SMC5: variants seen among roughly 807,000 people sequenced by gnomAD.
The protein encoded by SMC5 is structural maintenance of chromosomes 5, also known as structural maintenance of chromosomes protein 5.
SMC5 carries 88 observed loss-of-function variants against 148.3 expected under a neutral mutation model. That is an observed-to-expected ratio of 0.59 (90% CI 0.50 to 0.71). The LOEUF is 0.71. Ranked by LOEUF, SMC5 falls within the 30% of genes least tolerant of loss-of-function variation. The probability of loss-of-function intolerance (pLI) is 0.00; values close to 1 mark genes in which losing one functional copy is unlikely to be tolerated. For synonymous variants in SMC5, 421 were observed against 432.8 expected, an observed-to-expected ratio of 0.97 and a Z score of 0.34; for missense variants, 1,142 against 1,298.9, an observed-to-expected ratio of 0.88 and a Z score of 1.86.
At chr9:70,327,576 T>A (rs1300630259) in intron 17 of SMC5, among the ~76,000 whole-genome samples, 1 of 152,224 alleles carries the variant, frequency 6.6e-6, no homozygotes, top group Admixed American at 6.5e-5. Flanking sequence ...CTTGTGACTT[T>A]GAAAAATGGT....
At chr9:70,341,351 T>C (rs567497811) in intron 17 of SMC5, among the ~76,000 whole-genome samples, 1 of 152,352 alleles carries the variant, frequency 6.6e-6, no homozygotes, top group Admixed American at 6.5e-5. Flanking sequence ...TACTTTATTT[T>C]AGCAAAGTCC....
chr9:70,330,608 T>G (rs1225673302), intron 17 of SMC5, among the ~76,000 whole-genome samples: 1 of 149,728 alleles, frequency 6.7e-6, no homozygotes, highest in Non-Finnish European at 1.5e-5. Context: ...TGGAGTGCAG[T>G]CTCAGCTCAC....
intron 8 of SMC5, among the ~76,000 whole-genome samples, chr9:70,294,805 G>C (rs925488462): frequency 6.6e-6 from 1 of 152,118 alleles, no homozygotes; most frequent in African/African-American, 2.4e-5. Flanking sequence ...GAACACAGAG[G>C]CCAAAGAGTT....
At chr9:70,308,820 G>A (rs922854067) in intron 11 of SMC5, among the ~76,000 whole-genome samples, 5 of 151,810 alleles carry the variant, frequency 3.3e-5, no homozygotes, top group Admixed American at 6.6e-5. Context: ...TACATTGCTA[G>A]TACGTAGACA....
intron 17 of SMC5, among the ~76,000 whole-genome samples, chr9:70,343,124 A>C (rs576427620): frequency 6.6e-6 from 1 of 151,410 alleles, no homozygotes; most frequent in Non-Finnish European, 1.5e-5. Flanking sequence ...GGCTTGGGCA[A>C]GTTACTTAAT....
rs142628186 is a variant in SMC5, at chr9:70,280,778, C to G, written c.698C>G (p.Thr233Ser). Reference sequence around the variant, plus strand: ...TTGTAGACCTCATGCAAAGAGAAAACTGAGTATCTACAGAAAATGGTTCAG... The same window carrying G: ...TTGTAGACCTCATGCAAAGAGAAAAGTGAGTATCTACAGAAAATGGTTCAG... ...KQLETSCKEKTEYLQKMVQRN... is the reference protein window; with the variant it reads ...KQLETSCKEKSEYLQKMVQRN... The change falls in exon 6 of 25, where the codon ACT becomes AGT. Residue 233 changes from threonine to serine, a missense_variant. Physicochemically the swap from Thr to Ser is moderately conservative, Grantham distance 58. Transcript: ENST00000361138. 5 of 1,612,408 alleles carry G rather than the reference C, an allele frequency of 3.1e-6. No homozygotes were observed. In the African/African-American group the frequency reaches 5.3e-5, roughly 17 times the overall value.
chr9:70,302,166 G>A lies in SMC5; in HGVS notation c.1464+1966G>A, dbSNP rs1480593378. On this transcript the variant is annotated intron_variant, in intron 10 of 24. Coordinates refer to ENST00000361138, the MANE Select transcript of SMC5 (RefSeq NM_015110.4). Reference sequence around the variant, plus strand: ...GTAGGCAGATCAGCTAACATCAAGAGTTCAAGACCAGCCTGGCTAACATGG... The same window carrying A: ...GTAGGCAGATCAGCTAACATCAAGAATTCAAGACCAGCCTGGCTAACATGG... Among the ~76,000 whole-genome samples, 8 of 152,144 alleles carry A rather than the reference G, an allele frequency of 5.3e-5. 1 individual carries two copies. Among genetic ancestry groups the A allele is most frequent in the Non-Finnish European group, 1.2e-4 (8 of 68,012 alleles).
At chr9:70,342,943 G>T (rs941165591) in intron 17 of SMC5, among the ~76,000 whole-genome samples, 6 of 152,012 alleles carry the variant, frequency 3.9e-5, no homozygotes, top group African/African-American at 1.5e-4. Context: ...CTTATTTCTT[G>T]TCATTTAAGG....
At chr9:70,275,830 C>A (rs2034577537) in intron 3 of SMC5, among the ~76,000 whole-genome samples, 2 of 151,996 alleles carry the variant, frequency 1.3e-5, no homozygotes, top group South Asian at 2.1e-4. Context: ...TTGCAAAGTT[C>A]TTTTTTATTA....
At chr9:70,314,674 T>C (rs1466070942) in intron 11 of SMC5, 68 bp from the exon 12 acceptor site, 9 of 734,680 alleles carry the variant, frequency 1.2e-5, no homozygotes, top group Non-Finnish European at 1.5e-5. Context: ...AGGAGTATGG[T>C]AACTATAAAT....
intron 11 of SMC5, among the ~76,000 whole-genome samples, chr9:70,306,957 A>G (rs1308375559): frequency 6.6e-6 from 1 of 152,238 alleles, no homozygotes; most frequent in Non-Finnish European, 1.5e-5. Flanking sequence ...TGCCATTTCT[A>G]CATACTATTA....
At chr9:70,337,366 G>T (rs1167554758) in intron 17 of SMC5, among the ~76,000 whole-genome samples, 1 of 151,978 alleles carries the variant, frequency 6.6e-6, no homozygotes, top group African/African-American at 2.4e-5. Flanking sequence ...CTTATAGATG[G>T]ACTGAGATTA....
rs970550956 is a variant in SMC5 at position 70,345,724 on chromosome 9, G to A, written c.2524-881G>A. Among the ~76,000 whole-genome samples, 10 of 152,132 alleles carry A rather than the reference G, an allele frequency of 6.6e-5. 1 individual carries two copies. In the South Asian group the frequency reaches 1.0e-3, roughly 16 times the overall value. The stretch of plus-strand genomic sequence containing the variant: ...AAGCAATTAAGGTTGTATTCTTTTG[G>A]GATGGACTCCAGTGGAGGATCTTAA... On this transcript the variant is annotated intron_variant, in intron 18 of 24. Coordinates refer to ENST00000361138, the MANE Select transcript of SMC5 (RefSeq NM_015110.4).
rs1449407461 is a variant in SMC5, at chr9:70,300,189, A to G, written c.1453A>G (p.Ile485Val). Residue 485 changes from isoleucine to valine, a missense_variant, in exon 10 of 25, where the codon ATA becomes GTA. Ile to Val is a conservative substitution (Grantham distance 29). Coordinates refer to ENST00000361138, the MANE Select transcript of SMC5 (RefSeq NM_015110.4). Reference sequence around the variant, plus strand: ...ATTTAAACAAAGAGTCTGTGAGCCCATAATGCTCACGGTAAGAAACTTTGT... The same window carrying G: ...ATTTAAACAAAGAGTCTGTGAGCCCGTAATGCTCACGGTAAGAAACTTTGT... ...DKFKQRVCEPIMLTINMKDNK... is the reference protein window; with the variant it reads ...DKFKQRVCEPVMLTINMKDNK... 4 of 1,589,370 alleles carry G rather than the reference A, an allele frequency of 2.5e-6. No individual in the cohort carries two copies. Among genetic ancestry groups the G allele is most frequent in the Non-Finnish European group, 3.4e-6 (4 of 1,173,562 alleles).
chr9:70,345,256 A>G (rs1193071727), intron 18 of SMC5, among the ~76,000 whole-genome samples: 1 of 152,170 alleles, frequency 6.6e-6, no homozygotes, highest in Non-Finnish European at 1.5e-5. Flanking sequence ...AGATGATTAT[A>G]TTCATTAAAA....
intron 17 of SMC5, among the ~76,000 whole-genome samples, chr9:70,327,668 A>G (rs2036115827): frequency 6.6e-6 from 1 of 152,226 alleles, no homozygotes; most frequent in South Asian, 2.1e-4. Context: ...TAATTTATAA[A>G]CAATAAAGGA....
Position 70,293,156 on chromosome 9 carries a change from G to T in SMC5, c.1054-4810G>T, listed in dbSNP as rs142312836. 3.9e-3 allele frequency among the ~76,000 whole-genome samples: 598 copies of T among 152,144 alleles called. 3 individuals are homozygous for T. Among genetic ancestry groups the T allele is most frequent in the African/African-American group, 0.013 (553 of 41,532 alleles). ...TTCTTGGAGGGAGTTTTAAAATTAT[G>T]TTTTCAACTTCCTTAATAGCTATTA... On this transcript the variant is annotated intron_variant, in intron 8 of 24. Transcript: ENST00000361138.
At chr9:70,277,927 A>C (rs1277236860) in intron 4 of SMC5, among the ~76,000 whole-genome samples, 6 of 152,042 alleles carry the variant, frequency 3.9e-5, no homozygotes, top group African/African-American at 1.2e-4. Context: ...AATTTATGTT[A>C]AATGTTAAAG....
rs746069627 is a variant in SMC5, at chr9:70,286,186, G to T, written c.982-14G>T. Reference sequence around the variant, plus strand: ...AACTAGCTGTCCCCCCCTCTCCCCGGTTTAATTTTACAGGCAACAGATATT... The same window carrying T: ...AACTAGCTGTCCCCCCCTCTCCCCGTTTTAATTTTACAGGCAACAGATATT... On this transcript the variant is annotated splice_polypyrimidine_tract_variant and intron_variant, in intron 7 of 24. Transcript: ENST00000361138. The T allele has an allele frequency of 9.8e-6, 15 of 1,532,614 alleles. No homozygotes were observed. The highest frequency in any genetic ancestry group is 2.3e-5 in the East Asian group (1 of 42,646). The allele number at this position is 1,532,614 out of a possible 1,614,324, so 94.9% of individuals were successfully genotyped here.
Sources: allele counts gnomAD v4.1 joint callset (sites outside exome capture counted in the v4.1 genomes callset), GRCh38; gene constraint gnomAD v4.1.1; transcripts MANE v1.5; gene names NCBI Gene and HGNC (gene_info 2026-07-23, HGNC 2026-07-21).